EDIL3: variants seen among roughly 807,000 people sequenced by gnomAD.
EDIL3 encodes the protein EGF like and discoidin domains 3.
A neutral mutation model predicts 67.4 loss-of-function variants in EDIL3; 37 were observed. That is an observed-to-expected ratio of 0.55 (90% CI 0.42 to 0.72). EDIL3 has a LOEUF of 0.72. Among genes scored for constraint, EDIL3 ranks in the 30% least tolerant of loss-of-function variants. The pLI is 0.00. For missense variants in EDIL3, 527 were observed against 586.3 expected (o/e 0.90, Z 1.04); for synonymous variants, 195 against 196.3 (o/e 0.99, Z 0.05).
intron 9 of EDIL3, among the ~76,000 whole-genome samples, chr5:84,025,569 C>T (rs1481915061): frequency 1.3e-5 from 2 of 152,088 alleles, no homozygotes; most frequent in African/African-American, 4.8e-5. Context: ...CATCCTGAAA[C>T]TATTCCCAAC....
chr5:84,155,984 T>C (rs1018909328), intron 4 of EDIL3, among the ~76,000 whole-genome samples: 4 of 152,196 alleles, frequency 2.6e-5, no homozygotes, highest in African/African-American at 9.7e-5. Context: ...TTCAGTACTT[T>C]AATAGTTTTA....
rs59842563 is a variant in EDIL3, at chr5:84,056,309, C to T, written c.1137+3991G>A. On this transcript the variant is annotated intron_variant, in intron 9 of 10. Coordinates refer to ENST00000296591, the MANE Select transcript of EDIL3 (RefSeq NM_005711.5). ...ACACAGGAAGGGGTACATCATATAC[C>T]GGGGCCTGTTGTGGGGTGGGGTGAG... Among the ~76,000 whole-genome samples, 1,422 of 149,110 alleles carry T rather than the reference C, an allele frequency of 9.5e-3. 25 individuals are homozygous for T. The highest frequency in any genetic ancestry group is 0.033 in the African/African-American group (1,314 of 39,726).
intron 4 of EDIL3, among the ~76,000 whole-genome samples, chr5:84,165,385 C>A (rs895140817): frequency 6.6e-6 from 1 of 152,114 alleles, no homozygotes; most frequent in African/African-American, 2.4e-5. Context: ...ACAAAACCAT[C>A]TTCTACCTGT....
At chr5:84,062,552 G>A (rs529545166) in intron 8 of EDIL3, among the ~76,000 whole-genome samples, 52 of 152,138 alleles carry the variant, frequency 3.4e-4, no homozygotes, top group African/African-American at 1.2e-3. Flanking sequence ...TTGGTTCATA[G>A]AATGAATGAA....
intron 1 of EDIL3, among the ~76,000 whole-genome samples, chr5:84,312,354 C>T (rs1746417976): frequency 6.8e-6 from 1 of 147,218 alleles, no homozygotes; most frequent in African/African-American, 2.5e-5. Flanking sequence ...CACCTCCCTC[C>T]CGGACGGGGC....
chr5:83,964,766 CT>C (rs1315542305), intron 9 of EDIL3, among the ~76,000 whole-genome samples: 5 of 152,016 alleles, frequency 3.3e-5, no homozygotes, highest in Non-Finnish European at 7.4e-5. Context: ...AAAAGACCAC[CT>C]TTAATGCTCT....
chr5:84,217,651 C>T (rs540705029), intron 3 of EDIL3, among the ~76,000 whole-genome samples: 3 of 151,370 alleles, frequency 2.0e-5, no homozygotes, highest in East Asian at 3.9e-4. Flanking sequence ...TTAGACTTGC[C>T]AGCACTCAAA....
At chr5:84,046,713 T>C (rs1358162165) in intron 9 of EDIL3, among the ~76,000 whole-genome samples, 2 of 152,214 alleles carry the variant, frequency 1.3e-5, no homozygotes, top group African/African-American at 2.4e-5. Context: ...AAGAGAATGG[T>C]TACCATTCTT....
At chr5:84,129,091 A>T (rs1580340316) in intron 5 of EDIL3, among the ~76,000 whole-genome samples, 1 of 152,142 alleles carries the variant, frequency 6.6e-6, no homozygotes, top group African/African-American at 2.4e-5. Context: ...GTGAACCTTC[A>T]AAGTGTGATA....
chr5:84,063,912 A>G (rs1212015371), intron 8 of EDIL3, among the ~76,000 whole-genome samples: 1 of 152,172 alleles, frequency 6.6e-6, no homozygotes, highest in Non-Finnish European at 1.5e-5. Flanking sequence ...CCAGAAATGT[A>G]AGAACAACTA....
intron 1 of EDIL3, among the ~76,000 whole-genome samples, chr5:84,340,534 C>CTATATATATATA (rs776456328): frequency 1.8e-5 from 1 of 54,208 alleles, no homozygotes; most frequent in African/African-American, 6.2e-5. Flanking sequence ...CTCTCTCTCT[C>CTATATATATATA]TATATATATA....
At chr5:84,009,218 ACTTT>A (rs1166162831) in intron 9 of EDIL3, among the ~76,000 whole-genome samples, 1 of 152,182 alleles carries the variant, frequency 6.6e-6, no homozygotes, top group African/African-American at 2.4e-5. Flanking sequence ...AAAAACAGCC[ACTTT>A]CTTTATAAAA....
At chr5:84,369,574 G>A (rs1747803783) in intron 1 of EDIL3, among the ~76,000 whole-genome samples, 1 of 152,080 alleles carries the variant, frequency 6.6e-6, no homozygotes, top group Non-Finnish European at 1.5e-5. Flanking sequence ...GTGGTTGTCA[G>A]GGGCTGGGAA....
In EDIL3 at chr5:83,943,379, T is replaced by C. The variant is rs911755557; in HGVS notation, c.*40A>G. The C allele has an allele frequency of 2.8e-5, 45 of 1,611,320 alleles. No homozygotes were observed. Among genetic ancestry groups the C allele is most frequent in the Non-Finnish European group, 3.7e-5 (44 of 1,178,504 alleles). On this transcript the variant is annotated 3_prime_UTR_variant, in exon 11 of 11. Coordinates refer to ENST00000296591, the MANE Select transcript of EDIL3 (RefSeq NM_005711.5). ...ACAGTTCATTCCATGGAGATACTTT[T>C]AGGGAAATAGGGAAGAGGGTTGTGA...
At chr5:84,313,740 A>C (rs573029486) in intron 1 of EDIL3, among the ~76,000 whole-genome samples, 4 of 152,202 alleles carry the variant, frequency 2.6e-5, no homozygotes, top group Non-Finnish European at 5.9e-5. Context: ...TTAAATCAGA[A>C]TCTCTGTGGG....
intron 1 of EDIL3, among the ~76,000 whole-genome samples, chr5:84,255,232 G>A (rs1745103632): frequency 6.6e-6 from 1 of 152,154 alleles, no homozygotes; most frequent in African/African-American, 2.4e-5. Flanking sequence ...ATTATCGAAT[G>A]CCAGAAAGAC....
At chr5:84,027,493 T>G (rs943488281) in intron 9 of EDIL3, among the ~76,000 whole-genome samples, 1 of 152,192 alleles carries the variant, frequency 6.6e-6, no homozygotes, top group Non-Finnish European at 1.5e-5. Flanking sequence ...AGGTATAGCA[T>G]AGTTCAAAGA....
At chr5:84,294,289 G>A (rs918035959) in intron 1 of EDIL3, among the ~76,000 whole-genome samples, 3 of 149,962 alleles carry the variant, frequency 2.0e-5, no homozygotes, top group African/African-American at 7.4e-5. Flanking sequence ...GGAGGCTGAC[G>A]CAGGAGAATG....
intron 4 of EDIL3, 146 bp downstream of exon 4, chr5:84,180,247 A>G (rs1561455123): frequency 1.2e-6 from 1 of 836,430 alleles, no homozygotes; most frequent in Non-Finnish European, 1.7e-6. Context: ...GACATGGTGT[A>G]TTCCATGGGA....
Sources: gnomAD v4.1 joint callset for allele counts (sites outside exome capture counted in the v4.1 genomes callset) on GRCh38, gnomAD v4.1.1 for gene constraint, MANE v1.5 for transcripts, NCBI Gene and HGNC (gene_info 2026-07-23, HGNC 2026-07-21) for gene names.